Variants in PARD3B observed in about 807,000 individuals in gnomAD.
The protein encoded by PARD3B is partitioning defective 3 homolog B.
PARD3B carries 103 observed loss-of-function variants against 130.2 expected under a neutral mutation model. The ratio of observed to expected loss-of-function variants is 0.79; its 90% CI spans 0.67 to 0.93. PARD3B has a LOEUF of 0.93. Ranked by LOEUF, PARD3B falls within the 40% of genes least tolerant of loss-of-function variation. The pLI is 0.00. For missense variants in PARD3B, 1,609 were observed against 1,499.2 expected (o/e 1.07, Z -1.21); for synonymous variants, 583 against 553.2 (o/e 1.05, Z -0.76).
At chr2:205,338,233 C>CAAAGAAGCTAT in intron 18 of PARD3B, among the ~76,000 whole-genome samples, 1 of 150,630 alleles carries the variant, frequency 6.6e-6, no homozygotes, top group Admixed American at 6.6e-5. Flanking sequence ...AGCATCCAAC[C>CAAAGAAGCTAT]AAAGAGCTAT....
chr2:205,225,124 G>A (rs1012215575), intron 15 of PARD3B, among the ~76,000 whole-genome samples: 2 of 152,134 alleles, frequency 1.3e-5, no homozygotes, highest in Non-Finnish European at 2.9e-5. Context: ...TATATACATA[G>A]CAGTAGGATT....
chr2:205,194,050 G>A (rs2036540935), intron 15 of PARD3B, among the ~76,000 whole-genome samples: 1 of 152,190 alleles, frequency 6.6e-6, no homozygotes, highest in African/African-American at 2.4e-5. Flanking sequence ...CCTCCCATGG[G>A]CTCTTAGAGA....
intron 16 of PARD3B, among the ~76,000 whole-genome samples, chr2:205,286,507 T>G (rs1312704804): frequency 6.6e-6 from 1 of 152,168 alleles, no homozygotes; most frequent in East Asian, 1.9e-4. Flanking sequence ...ATATCAAATC[T>G]TGTTGTTAAG....
intron 4 of PARD3B, among the ~76,000 whole-genome samples, chr2:205,100,255 A>G (rs1472147618): frequency 6.6e-6 from 1 of 152,170 alleles, no homozygotes; most frequent in Non-Finnish European, 1.5e-5. Context: ...ATGATATAAA[A>G]CTTTATAGCA....
rs1362987589 is a variant in PARD3B, at chr2:205,351,114, A to G, written c.2630+49413A>G. On this transcript the variant is annotated intron_variant, in intron 18 of 22. Coordinates refer to ENST00000406610, the MANE Select transcript of PARD3B (RefSeq NM_001302769.2). This position sits in a 1 kb window ranked among gnomAD's most constrained non-coding sequence, Gnocchi z 4.2. ...GAAATTCTCTTGATATTTTTTCAAA[A>G]GGTGAATATTTTCTGGAATAAAATA... Among the ~76,000 whole-genome samples the G allele has an allele frequency of 2.6e-5, 4 of 152,208 alleles. No homozygotes were observed. Among genetic ancestry groups the G allele is most frequent in the Non-Finnish European group, 5.9e-5 (4 of 68,044 alleles).
chr2:204,889,865 G>A (rs1024613740), intron 2 of PARD3B, among the ~76,000 whole-genome samples: 3 of 151,274 alleles, frequency 2.0e-5, no homozygotes, highest in South Asian at 2.1e-4. Flanking sequence ...AGTAACATAC[G>A]GAAAGTTTCT....
rs533879651 is a variant in PARD3B, at chr2:205,330,912, GA to G, written c.2630+29212del. On this transcript the variant is annotated intron_variant, in intron 18 of 22. Coordinates refer to ENST00000406610, the MANE Select transcript of PARD3B (RefSeq NM_001302769.2). ...CTCCTAAAGCAGACATAGTTTTATT[GA>G]GGGCCATTCATGGGCAAACCTAGAC... Among the ~76,000 whole-genome samples the G allele has an allele frequency of 7.8e-4, 119 of 152,274 alleles. No individual in the cohort carries two copies. In the South Asian group the frequency reaches 0.012, roughly 15 times the overall value.
intron 5 of PARD3B, 53 bp from the exon 6 acceptor site, chr2:205,113,438 C>G: frequency 8.1e-7 from 1 of 1,241,578 alleles, no homozygotes; most frequent in Non-Finnish European, 1.2e-6. Flanking sequence ...TAGATGTGCT[C>G]CCTCTGTTTT....
At chr2:204,609,552 G>T (rs1001074579) in intron 1 of PARD3B, among the ~76,000 whole-genome samples, 1 of 152,144 alleles carries the variant, frequency 6.6e-6, no homozygotes, top group Non-Finnish European at 1.5e-5. Flanking sequence ...AGTCGGGAGT[G>T]GGGGTTACAG....
intron 21 of PARD3B, among the ~76,000 whole-genome samples, chr2:205,536,014 C>G (rs1477113881): frequency 1.3e-5 from 2 of 152,088 alleles, no homozygotes; most frequent in South Asian, 2.1e-4. Context: ...AAAAATGTGG[C>G]AGCAGGCCTA....
intron 2 of PARD3B, among the ~76,000 whole-genome samples, chr2:204,794,353 G>A (rs1161014513): frequency 1.3e-5 from 2 of 152,124 alleles, no homozygotes; most frequent in East Asian, 1.9e-4. Flanking sequence ...TGAAAGTAAC[G>A]TGAACCCTTG....
chr2:204,651,895 T>A (rs2035491569), intron 1 of PARD3B, among the ~76,000 whole-genome samples: 1 of 152,178 alleles, frequency 6.6e-6, no homozygotes, highest in Non-Finnish European at 1.5e-5. Flanking sequence ...TTGCACCCTC[T>A]GAAGCTATGG....
At chr2:204,617,958 A>G (rs1267973526) in intron 1 of PARD3B, among the ~76,000 whole-genome samples, 1 of 152,146 alleles carries the variant, frequency 6.6e-6, no homozygotes, top group African/African-American at 2.4e-5. Context: ...ATAGGCATCT[A>G]GGTTGATTCC....
At chr2:205,303,776 G>GA (rs2042093856) in intron 18 of PARD3B, among the ~76,000 whole-genome samples, 1 of 152,184 alleles carries the variant, frequency 6.6e-6, no homozygotes, top group South Asian at 2.1e-4. Context: ...AAACAGGTAG[G>GA]AAGTGGGGTG....
intron 18 of PARD3B, among the ~76,000 whole-genome samples, chr2:205,371,719 T>C (rs2044824872): frequency 6.6e-6 from 1 of 152,142 alleles, no homozygotes; most frequent in Non-Finnish European, 1.5e-5. Context: ...TTTATTAAGA[T>C]ATAATTCACA....
intron 1 of PARD3B, among the ~76,000 whole-genome samples, chr2:204,628,725 G>A (rs1395374921): frequency 2.0e-5 from 3 of 152,146 alleles, no homozygotes; most frequent in African/African-American, 7.2e-5. Context: ...AGGCTACTAA[G>A]ATCATTATGT....
intron 18 of PARD3B, 44 bp from the exon 19 acceptor site, chr2:205,400,969 C>T (rs774753178): frequency 7.0e-7 from 1 of 1,430,866 alleles, no homozygotes; most frequent in South Asian, 1.2e-5. Context: ...ACCGCAAAAA[C>T]AATGTGATTA....
chr2:204,883,234 C>T (rs1326976507), intron 2 of PARD3B, among the ~76,000 whole-genome samples: 1 of 151,504 alleles, frequency 6.6e-6, no homozygotes, highest in Non-Finnish European at 1.5e-5. Context: ...GTTTTCTCCT[C>T]ATCACTATCC....
intron 2 of PARD3B, among the ~76,000 whole-genome samples, chr2:204,736,424 C>T (rs552050689): frequency 6.6e-6 from 1 of 151,988 alleles, no homozygotes; most frequent in Admixed American, 6.6e-5. Flanking sequence ...GCTAGCCCCC[C>T]CTTTCATCCT....
Sources: allele counts gnomAD v4.1 joint callset (sites outside exome capture counted in the v4.1 genomes callset), GRCh38; gene constraint gnomAD v4.1.1; non-coding constraint Gnocchi (gnomAD v3.1); transcripts MANE v1.5; gene names NCBI Gene and HGNC (gene_info 2026-07-23, HGNC 2026-07-21).